TTC28: variants seen among roughly 807,000 people sequenced by gnomAD.
TTC28 encodes the protein tetratricopeptide repeat protein 28.
TTC28 carries 61 observed loss-of-function variants against 198.0 expected under a neutral mutation model. The ratio of observed to expected loss-of-function variants is 0.31; its 90% CI spans 0.25 to 0.38. The LOEUF is 0.38. Among genes scored for constraint, TTC28 ranks in the 10% least tolerant of loss-of-function variants. The pLI is 1.00. For synonymous variants in TTC28, 1,171 were observed against 1,297.8 expected (o/e 0.90, Z 2.10); for missense variants, 2,678 against 3,164.0 (o/e 0.85, Z 3.69).
intron 2 of TTC28, among the ~76,000 whole-genome samples, chr22:28,496,345 C>T (rs1041949459): frequency 6.6e-6 from 1 of 152,050 alleles, no homozygotes; most frequent in African/African-American, 2.4e-5. Context: ...CTTAACATGT[C>T]CAAAACCAAG....
intron 2 of TTC28, among the ~76,000 whole-genome samples, chr22:28,417,774 C>G (rs1569314258): frequency 6.6e-6 from 1 of 152,122 alleles, no homozygotes; most frequent in Non-Finnish European, 1.5e-5. Flanking sequence ...CTTTGGAAAC[C>G]CTAATAGCTC....
chr22:28,041,282 C>T (rs189505762), intron 12 of TTC28, among the ~76,000 whole-genome samples: 2 of 152,274 alleles, frequency 1.3e-5, no homozygotes, highest in East Asian at 3.9e-4. Flanking sequence ...CAAGACAATC[C>T]TAAGCAAAAA....
chr22:28,169,034 AAAG>A (rs1838709945), intron 5 of TTC28, among the ~76,000 whole-genome samples: 1 of 152,230 alleles, frequency 6.6e-6, no homozygotes, highest in African/African-American at 2.4e-5. Flanking sequence ...ACACTTCTCA[AAAG>A]AAGACATTTA....
intron 2 of TTC28, among the ~76,000 whole-genome samples, chr22:28,529,556 T>C (rs901345890): frequency 2.6e-5 from 4 of 151,986 alleles, no homozygotes; most frequent in African/African-American, 7.3e-5. Flanking sequence ...TTGAAGAGTG[T>C]AGTGGTTCTC....
intron 2 of TTC28, among the ~76,000 whole-genome samples, chr22:28,323,979 G>T (rs1569260329): frequency 6.6e-6 from 1 of 151,974 alleles, no homozygotes; most frequent in East Asian, 1.9e-4. Flanking sequence ...AAGAGCTGAA[G>T]GAAAAAATTT....
At chr22:28,194,218 T>C (rs902332570) in intron 5 of TTC28, among the ~76,000 whole-genome samples, 4 of 152,164 alleles carry the variant, frequency 2.6e-5, no homozygotes, top group African/African-American at 4.8e-5. Context: ...GAAATAAAGA[T>C]GTTCTTTGAA....
intron 2 of TTC28, among the ~76,000 whole-genome samples, chr22:28,417,582 C>G (rs889480104): frequency 3.3e-5 from 5 of 152,284 alleles, no homozygotes; most frequent in African/African-American, 1.2e-4. Flanking sequence ...CAGGAATTTA[C>G]AAGGTTTAGA....
At chr22:28,655,405 T>C (rs1314866522) in intron 1 of TTC28, among the ~76,000 whole-genome samples, 1 of 152,232 alleles carries the variant, frequency 6.6e-6, no homozygotes, top group Non-Finnish European at 1.5e-5. Flanking sequence ...ACAAGATTTT[T>C]AAAAATAGTC....
chr22:28,503,803 T>C (rs1427697506), intron 2 of TTC28, among the ~76,000 whole-genome samples: 1 of 152,230 alleles, frequency 6.6e-6, no homozygotes, highest in African/African-American at 2.4e-5. Context: ...AGTAGCAGCC[T>C]GTGACAGATT....
chr22:28,073,978 T>G (rs891324872), intron 12 of TTC28, among the ~76,000 whole-genome samples: 2 of 152,210 alleles, frequency 1.3e-5, no homozygotes, highest in Non-Finnish European at 2.9e-5. Flanking sequence ...TGGACAGTAC[T>G]GTGTGAGTTG....
intron 21 of TTC28, chr22:27,985,717 C>G (rs962284158): frequency 1.7e-5 from 3 of 174,670 alleles, no homozygotes; most frequent in Non-Finnish European, 3.8e-5. Flanking sequence ...AAAGACTGTC[C>G]AGGACAAAAA....
At chr22:28,334,895 T>C (rs904262037) in intron 2 of TTC28, among the ~76,000 whole-genome samples, 3 of 152,206 alleles carry the variant, frequency 2.0e-5, no homozygotes, top group African/African-American at 7.2e-5. Flanking sequence ...TTTGTTGCCA[T>C]TGCTTTTGGT....
chr22:28,601,411 T>A (rs765554049), intron 2 of TTC28, among the ~76,000 whole-genome samples: 1 of 152,132 alleles, frequency 6.6e-6, no homozygotes, highest in African/African-American at 2.4e-5. Flanking sequence ...AAAAACCTTT[T>A]TGAAAAAAAA....
intron 2 of TTC28, among the ~76,000 whole-genome samples, chr22:28,539,070 G>C (rs567555832): frequency 6.6e-6 from 1 of 152,166 alleles, no homozygotes; most frequent in African/African-American, 2.4e-5. Context: ...ACTGCCTGTT[G>C]ACAGGCCCAG....
intron 2 of TTC28, among the ~76,000 whole-genome samples, chr22:28,347,115 T>C (rs1480344516): frequency 6.6e-6 from 1 of 151,578 alleles, no homozygotes; most frequent in Non-Finnish European, 1.5e-5. Context: ...AATACAAAAA[T>C]TAGCTGGATG....
At chr22:28,633,084 A>C (rs1322928457) in intron 1 of TTC28, among the ~76,000 whole-genome samples, 2 of 152,084 alleles carry the variant, frequency 1.3e-5, no homozygotes, top group African/African-American at 4.8e-5. Context: ...ATTTGAGATC[A>C]GGCTGGCCAA....
In TTC28 at chr22:28,460,652, TAGATAGATAGATAGAC is replaced by T. The variant is rs1399409958; in HGVS notation, c.382-154025_382-154010del. Among the ~76,000 whole-genome samples, 193 of 121,588 alleles carry T rather than the reference TAGATAGATAGATAGAC, an allele frequency of 1.6e-3. 1 individual carries two copies. Among genetic ancestry groups the T allele is most frequent in the South Asian group, 4.4e-3 (17 of 3,864 alleles). The allele number at this position is 121,588 out of a possible 152,430, so 79.8% of individuals were successfully genotyped here. The stretch of plus-strand genomic sequence containing the variant: ...ATAGATAGATAGATAGATAGATAGA[TAGATAGATAGATAGAC>T]AGACAGACAGATAGATAGGCAGGCA... On this transcript the variant is annotated intron_variant, in intron 2 of 22. Coordinates refer to ENST00000397906, the MANE Select transcript of TTC28 (RefSeq NM_001145418.2).
intron 2 of TTC28, among the ~76,000 whole-genome samples, chr22:28,591,084 TAG>T (rs2050428207): frequency 6.0e-5 from 7 of 117,210 alleles, no homozygotes; most frequent in Non-Finnish European, 1.2e-4. Flanking sequence ...TATATATATA[TAG>T]GAATTGTGAC....
chr22:28,030,711 G>C (rs1221713432), intron 12 of TTC28, among the ~76,000 whole-genome samples: 2 of 152,246 alleles, frequency 1.3e-5, no homozygotes, highest in South Asian at 2.1e-4. Flanking sequence ...GTGATGGGCT[G>C]GTCAGGCACT....
Sources: gnomAD v4.1 joint callset for allele counts (sites outside exome capture counted in the v4.1 genomes callset) on GRCh38, gnomAD v4.1.1 for gene constraint, MANE v1.5 for transcripts, NCBI Gene and HGNC (gene_info 2026-07-23, HGNC 2026-07-21) for gene names.